The following TCERG1 variants were observed in gnomAD, a reference collection of about 807,000 sequenced individuals.
TCERG1 encodes the protein TATA box binding protein (TBP)-associated factor, RNA polymerase II, S, 150kD.
In TCERG1, 37 loss-of-function variants were observed where a neutral mutation model predicts 144.7. The observed-to-expected ratio is 0.26, with a 90% CI of 0.20 to 0.34. The LOEUF (loss-of-function observed/expected upper bound fraction) is 0.34, where lower values mean the gene tolerates loss of function less well. TCERG1 is among the 10% of genes least tolerant of loss of function. The pLI is 1.00. For missense variants in TCERG1, 1,027 were observed against 1,380.7 expected, an observed-to-expected ratio of 0.74 and a Z score of 4.06; for synonymous variants, 492 against 458.2, an observed-to-expected ratio of 1.07 and a Z score of -0.94.
At chr5:146,506,894 A>G (rs1027730902) in intron 19 of TCERG1, 134 bp from the exon 20 acceptor site, 5 of 625,578 alleles carry the variant, frequency 8.0e-6, no homozygotes, top group African/African-American at 1.9e-5. Context: ...TTCTTTATCC[A>G]TGTATCTGTT....
Position 146,511,939 on chromosome 5 carries a change from CATAA to C in TCERG1, c.*1303_*1306del, listed in dbSNP as rs1389360429. On this transcript the variant is annotated 3_prime_UTR_variant, in exon 23 of 23. Transcript: ENST00000679501. The stretch of plus-strand genomic sequence containing the variant: ...ATAGGTTGCTCGTTTCAGAGTGCCA[CATAA>C]ATAAAATGTTTAACAAAATATATAT... 3 of 152,078 alleles carry C rather than the reference CATAA, an allele frequency of 2.0e-5. No individual in the cohort carries two copies. The highest frequency in any genetic ancestry group is 7.2e-5 in the African/African-American group (3 of 41,410). 9.4% of individuals were successfully genotyped at this position (152,078 alleles called of 1,614,324 possible). A position where few individuals can be genotyped will look rare whatever the true frequency, so the allele number is the denominator to read the frequency against.
intron 6 of TCERG1, among the ~76,000 whole-genome samples, chr5:146,469,179 T>C (rs1764064158): frequency 6.6e-6 from 1 of 152,172 alleles, no homozygotes; most frequent in African/African-American, 2.4e-5. Context: ...TAAATATGTT[T>C]GTTGTCTTCA....
chr5:146,492,313 C>G (rs1313293821), intron 15 of TCERG1, among the ~76,000 whole-genome samples: 1 of 152,130 alleles, frequency 6.6e-6, no homozygotes, highest in African/African-American at 2.4e-5. Context: ...CTGTCACATC[C>G]TTTTCCACTT....
At chr5:146,492,026 A>G (rs1464291843) in intron 15 of TCERG1, among the ~76,000 whole-genome samples, 3 of 152,206 alleles carry the variant, frequency 2.0e-5, no homozygotes, top group Admixed American at 6.5e-5. Context: ...TAGTTTGCCA[A>G]TTATTTGCTT....
intron 15 of TCERG1, among the ~76,000 whole-genome samples, chr5:146,485,217 C>T (rs907337527): frequency 2.6e-5 from 4 of 152,142 alleles, no homozygotes; most frequent in Non-Finnish European, 4.4e-5. Flanking sequence ...GTTTTTCCTC[C>T]AGGTGTTAGT....
Position 146,466,020 on chromosome 5 carries a change from CAAAAAAAA to C in TCERG1, c.1135+2238_1135+2245del, listed in dbSNP as rs57028887. Among the ~76,000 whole-genome samples, 7 of 82,074 alleles carry C rather than the reference CAAAAAAAA, an allele frequency of 8.5e-5. No homozygotes were observed. The East Asian group carries it at 1.8e-3, about 21-fold the overall frequency. 53.8% of individuals were successfully genotyped at this position (82,074 alleles called of 152,430 possible). A position where few individuals can be genotyped will look rare whatever the true frequency, so the allele number is the denominator to read the frequency against. ...GGGCAACAAGAGCGAAACTCTGTCT[CAAAAAAAA>C]AAAAAAAAAAGATATATTAGCATCA... is the stretch of plus-strand genomic sequence containing the variant. On this transcript the variant is annotated intron_variant, in intron 5 of 22. Transcript: ENST00000679501.
intron 7 of TCERG1, 21 bp from the exon 8 acceptor site, chr5:146,470,615 T>G: frequency 6.3e-7 from 1 of 1,578,170 alleles, no homozygotes. Context: ...TTGAGTGACA[T>G]TATCTTAATT....
intron 14 of TCERG1, among the ~76,000 whole-genome samples, chr5:146,483,096 C>T (rs1446697596): frequency 4.6e-5 from 7 of 152,070 alleles, no homozygotes; most frequent in African/African-American, 1.4e-4. Context: ...AGAACTGATA[C>T]TTTGTGATAT....
chr5:146,470,844 T>C (rs1764223203), intron 8 of TCERG1, 96 bp downstream of exon 8: 1 of 853,074 alleles, frequency 1.2e-6, no homozygotes, highest in Admixed American at 3.5e-5. Context: ...TAAAAATAAT[T>C]GTTATAAATT....
At chr5:146,471,917 A>G (rs1002250068) in intron 9 of TCERG1, among the ~76,000 whole-genome samples, 6 of 152,146 alleles carry the variant, frequency 3.9e-5, no homozygotes, top group Non-Finnish European at 5.9e-5. Flanking sequence ...ATTTTTAAAA[A>G]TCATACTTGA....
intron 1 of TCERG1, among the ~76,000 whole-genome samples, chr5:146,450,495 T>A (rs76886363): frequency 0.064 from 9,680 of 152,282 alleles, 426 homozygotes; most frequent in Non-Finnish European, 0.085. Context: ...TAATATTATT[T>A]AACACTTACC....
In TCERG1 at chr5:146,479,858, A is replaced by G. The variant is rs747573248; in HGVS notation, c.1766A>G (p.His589Arg). 3.1e-6 allele frequency: 5 copies of G among 1,613,508 alleles called. No homozygotes were observed. The Admixed American group carries it at 8.3e-5, about 27-fold the overall frequency. Reference protein sequence around the residue: ...KGMEELKKLRHPTPTMLSIQK... With the variant: ...KGMEELKKLRRPTPTMLSIQK... ...ATATTTGAAATGTTTTTGCCAGGGC[A>G]CCCAACTCCGACAATGCTGTCGATC... is the stretch of plus-strand genomic sequence containing the variant. The change falls in exon 11 of 23, where the codon CAC (histidine) becomes CGC (arginine). Residue 589 changes from histidine (H) to arginine (R), a missense_variant. Around this residue, in one of 6 missense-constraint regions of TCERG1, gnomAD observed 482 missense variants for 632.6 expected, o/e 0.76. Transcript: ENST00000679501.
intron 15 of TCERG1, among the ~76,000 whole-genome samples, chr5:146,489,333 AATT>A (rs1423357715): frequency 1.3e-5 from 2 of 152,302 alleles, no homozygotes; most frequent in African/African-American, 2.4e-5. Context: ...GAATATGTAC[AATT>A]ATTATTTGTC....
chr5:146,470,624 T>C lies in TCERG1; in HGVS notation c.1400-12T>C, dbSNP rs775174684. On this transcript the variant is annotated splice_polypyrimidine_tract_variant and intron_variant, in intron 7 of 22. Coordinates refer to ENST00000679501, the MANE Select transcript of TCERG1 (RefSeq NM_001382548.1). The stretch of plus-strand genomic sequence containing the variant: ...AAACCTTTGAGTGACATTATCTTAA[T>C]TTTTTTCATAGAAAAGTTAGAAGAG... 1 of 1,586,876 alleles carries C rather than the reference T, an allele frequency of 6.3e-7. No individual in the cohort carries two copies. Among genetic ancestry groups the C allele is most frequent in the South Asian group, 1.2e-5 (1 of 85,686 alleles).
chr5:146,505,421 A>G (rs1337553387), intron 19 of TCERG1: 1 of 152,202 alleles, frequency 6.6e-6, no homozygotes, highest in African/African-American at 2.4e-5. Context: ...TCCTTAGCAT[A>G]ATATAAAAGA....
chr5:146,467,501 A>G (rs1394364064), intron 5 of TCERG1, among the ~76,000 whole-genome samples: 1 of 152,152 alleles, frequency 6.6e-6, no homozygotes, highest in African/African-American at 2.4e-5. Flanking sequence ...AAAAATCACC[A>G]TTGTAATGCA....
chr5:146,453,924 G>C (rs571046673), intron 1 of TCERG1, among the ~76,000 whole-genome samples: 1 of 151,600 alleles, frequency 6.6e-6, no homozygotes, highest in African/African-American at 2.4e-5. Flanking sequence ...CCGGCCAGGC[G>C]CTGTGGCTCA....
rs1730906317 is a variant in TCERG1, at chr5:146,498,547, G to A, written c.2294G>A (p.Ser765Asn). The change falls in exon 17 of 23, where the codon AGT becomes AAT. Residue 765 changes from serine to asparagine, a missense_variant. This residue lies in a region of TCERG1 where 482 missense variants were observed against 632.6 expected (regional missense o/e 0.76). Transcript: ENST00000679501. Reference sequence around the variant, plus strand: ...TAATTTTGTTACAGAGCAACTTTTAGTGAATTTGCAGCCAAGCATGCTAAA... The same window carrying A: ...TAATTTTGTTACAGAGCAACTTTTAATGAATTTGCAGCCAAGCATGCTAAA... ...EAKFNPRATF[S>N]EFAAKHAKDS... 3 of 1,604,390 alleles carry A rather than the reference G, an allele frequency of 1.9e-6. No individual in the cohort carries two copies. The highest frequency in any genetic ancestry group is 1.7e-6 in the Non-Finnish European group (2 of 1,176,750).
chr5:146,487,647 A>G (rs1039188900), intron 15 of TCERG1, among the ~76,000 whole-genome samples: 2 of 151,606 alleles, frequency 1.3e-5, no homozygotes, highest in Non-Finnish European at 2.9e-5. Flanking sequence ...AGGTGTGGGG[A>G]TCACTTGATC....
Sources: gnomAD v4.1 joint callset for allele counts (sites outside exome capture counted in the v4.1 genomes callset) on GRCh38, gnomAD v4.1.1 for gene constraint, gnomAD v4.1.1 regional missense constraint, MANE v1.5 for transcripts, NCBI Gene and HGNC (gene_info 2026-07-23, HGNC 2026-07-21) for gene names.